CECR2: variants seen among roughly 807,000 people sequenced by gnomAD.
The protein encoded by CECR2 is chromatin remodeling regulator CECR2.
Under a neutral mutation model 154.5 loss-of-function variants are expected in CECR2, and 30 were observed. The ratio of observed to expected loss-of-function variants is 0.19; its 90% CI spans 0.15 to 0.26. The LOEUF is 0.26. Ranked by LOEUF, CECR2 falls within the 10% of genes least tolerant of loss-of-function variation. The probability of loss-of-function intolerance (pLI) is 1.00; values close to 1 mark genes in which losing one functional copy is unlikely to be tolerated. For missense variants in CECR2, 1,743 were observed against 1,829.3 expected, an observed-to-expected ratio of 0.95 and a Z score of 0.86; for synonymous variants, 725 against 683.7, an observed-to-expected ratio of 1.06 and a Z score of -0.94.
chr22:17,436,910 G>A (rs1036371739), intron 1 of CECR2, among the ~76,000 whole-genome samples: 6 of 152,228 alleles, frequency 3.9e-5, no homozygotes, highest in Admixed American at 3.3e-4. Context: ...TGGGGAAAAG[G>A]ATTTTGTATT....
At chr22:17,402,351 A>G (rs948411611) in intron 1 of CECR2, among the ~76,000 whole-genome samples, 2 of 152,238 alleles carry the variant, frequency 1.3e-5, no homozygotes, top group African/African-American at 4.8e-5. Context: ...AATAGTTACA[A>G]TGACAGCACA....
At chr22:17,461,264 C>T (rs77548000) in intron 1 of CECR2, among the ~76,000 whole-genome samples, 2,035 of 152,296 alleles carry the variant, frequency 0.013, 46 homozygotes, top group African/African-American at 0.046. Flanking sequence ...ACACAACTTA[C>T]TGATATTAAG....
At chr22:17,491,882 A>G (rs1030261050) in intron 2 of CECR2, among the ~76,000 whole-genome samples, 4 of 152,182 alleles carry the variant, frequency 2.6e-5, no homozygotes, top group African/African-American at 9.6e-5. Context: ...TGCCTTAACC[A>G]TATTTTCCTT....
intron 1 of CECR2, among the ~76,000 whole-genome samples, chr22:17,476,445 A>G (rs2055209592): frequency 6.6e-6 from 1 of 151,750 alleles, no homozygotes; most frequent in African/African-American, 2.4e-5. Flanking sequence ...TATTTGTAGT[A>G]GAGACAGGGT....
intron 1 of CECR2, among the ~76,000 whole-genome samples, chr22:17,434,362 C>G (rs1244954643): frequency 6.6e-6 from 1 of 152,148 alleles, no homozygotes; most frequent in Non-Finnish European, 1.5e-5. Flanking sequence ...GTTTTCCAAA[C>G]TTGAGTGTTT....
intron 1 of CECR2, among the ~76,000 whole-genome samples, chr22:17,398,878 T>C (rs185991498): frequency 6.6e-6 from 1 of 152,222 alleles, no homozygotes; most frequent in South Asian, 2.1e-4. Flanking sequence ...CAGGGAGGCT[T>C]AGTATAGACT....
intron 1 of CECR2, among the ~76,000 whole-genome samples, chr22:17,476,645 T>C (rs2055212698): frequency 6.6e-6 from 1 of 152,182 alleles, no homozygotes; most frequent in Non-Finnish European, 1.5e-5. Context: ...GTTAATAAGA[T>C]TGTCAGAAGT....
chr22:17,361,212 G>A (rs2062975141), intron 1 of CECR2, among the ~76,000 whole-genome samples: 1 of 152,118 alleles, frequency 6.6e-6, no homozygotes, highest in African/African-American at 2.4e-5. Context: ...AACAGGCCAG[G>A]TGCAGTGGCT....
At chr22:17,375,728 G>C (rs538025530) in intron 1 of CECR2, among the ~76,000 whole-genome samples, 2 of 151,980 alleles carry the variant, frequency 1.3e-5, no homozygotes, top group African/African-American at 4.8e-5. Context: ...AGGCCGAGGC[G>C]GGCGGATCAT....
At chr22:17,410,598 C>G (rs1221156929) in intron 1 of CECR2, among the ~76,000 whole-genome samples, 4 of 152,080 alleles carry the variant, frequency 2.6e-5, no homozygotes, top group Non-Finnish European at 5.9e-5. Context: ...CAGGCGCACG[C>G]CACCACACCC....
chr22:17,403,176 C>T (rs1349370152), intron 1 of CECR2, among the ~76,000 whole-genome samples: 1 of 152,196 alleles, frequency 6.6e-6, no homozygotes, highest in African/African-American at 2.4e-5. Context: ...GAATCTAATA[C>T]TGTTTACTTA....
chr22:17,405,419 A>G (rs1487821060), intron 1 of CECR2, among the ~76,000 whole-genome samples: 2 of 151,384 alleles, frequency 1.3e-5, no homozygotes, highest in Non-Finnish European at 2.9e-5. Context: ...TCTCAAATAA[A>G]ATAAGATAAG....
intron 16 of CECR2, among the ~76,000 whole-genome samples, chr22:17,545,384 A>AAG (rs1304340982): frequency 1.3e-5 from 2 of 151,088 alleles, no homozygotes; most frequent in Non-Finnish European, 2.9e-5. Context: ...CAAAAAAAAA[A>AAG]AAAAAAAAAA....
At chr22:17,394,677 A>C (rs1601279847) in intron 1 of CECR2, among the ~76,000 whole-genome samples, 1 of 152,182 alleles carries the variant, frequency 6.6e-6, no homozygotes, top group African/African-American at 2.4e-5. Flanking sequence ...ATTTCTGCAA[A>C]GACATCCACT....
intron 7 of CECR2, among the ~76,000 whole-genome samples, chr22:17,507,794 G>C (rs756843017): frequency 5.3e-5 from 8 of 152,152 alleles, no homozygotes; most frequent in Non-Finnish European, 1.2e-4. Context: ...GAAATAGATA[G>C]TGCTTTTAAG....
rs147657976 is a variant in CECR2, at chr22:17,386,929, G to A, written c.126+17020G>A. On this transcript the variant is annotated intron_variant, in intron 1 of 18. Coordinates refer to ENST00000262608, the MANE Select transcript of CECR2 (RefSeq NM_001290047.2). The stretch of plus-strand genomic sequence containing the variant: ...GCCTCCTACAGTGCTGGGATTACAG[G>A]TGTGAGCCACTGTACCTGGTCAGAG... 7.7e-3 allele frequency among the ~76,000 whole-genome samples: 1,171 copies of A among 152,254 alleles called. 7 individuals carry two copies. Among genetic ancestry groups the A allele is most frequent in the Non-Finnish European group, 0.012 (796 of 68,012 alleles).
chr22:17,534,013 C>T (rs551475566), intron 9 of CECR2, among the ~76,000 whole-genome samples: 4 of 151,786 alleles, frequency 2.6e-5, no homozygotes, highest in East Asian at 1.9e-4. Context: ...CATGCCCGGC[C>T]GAGCAAAGGG....
chr22:17,368,138 G>A (rs1379895627), upstream of CECR2, among the ~76,000 whole-genome samples: 3 of 151,478 alleles, frequency 2.0e-5, no homozygotes, highest in Non-Finnish European at 4.4e-5. Flanking sequence ...GTTTCTGAAT[G>A]CTGCCTTAAA....
intron 1 of CECR2, among the ~76,000 whole-genome samples, chr22:17,364,114 C>T (rs542164577): frequency 9.9e-5 from 15 of 151,538 alleles, no homozygotes; most frequent in Admixed American, 5.9e-4. Flanking sequence ...GAGGCCGAGG[C>T]GGGCAGATCA....
Sources: gnomAD v4.1 joint callset for allele counts (sites outside exome capture counted in the v4.1 genomes callset) on GRCh38, gnomAD v4.1.1 for gene constraint, MANE v1.5 for transcripts, NCBI Gene and HGNC (gene_info 2026-07-23, HGNC 2026-07-21) for gene names.